Variants in EME1 observed in about 807,000 individuals in gnomAD.
EME1 encodes structure-specific endonuclease subunit EME1.
Under a neutral mutation model 59.1 loss-of-function variants are expected in EME1, and 61 were observed. The observed-to-expected ratio is 1.03, with a 90% CI of 0.84 to 1.28. The LOEUF (loss-of-function observed/expected upper bound fraction) is 1.28. Ranked by LOEUF, EME1 falls within the 50% of genes most tolerant of loss-of-function variation. The probability of loss-of-function intolerance (pLI) is 0.00; values close to 1 mark genes in which losing one functional copy is unlikely to be tolerated. For missense variants in EME1, 635 were observed against 682.6 expected (o/e 0.93, Z 0.78); for synonymous variants, 230 against 254.2 (o/e 0.90, Z 0.90).
At chr17:50,379,947 A>G in intron 7 of EME1, 1 of 299,856 alleles carries the variant, frequency 3.3e-6, no homozygotes, top group Non-Finnish European at 6.3e-6. Context: ...AAATGACCTC[A>G]GAGACAATCC....
At position 50,380,832 on chromosome 17, in the gene EME1, G is replaced by T. The variant is rs371711162; in HGVS notation, c.1606G>T (p.Glu536Ter). 1 of 1,614,100 alleles carries T rather than the reference G, an allele frequency of 6.2e-7. No homozygotes were observed. The highest frequency in any genetic ancestry group is 8.5e-7 in the Non-Finnish European group (1 of 1,180,060). ...CGCAGACATACAGGTGCGCCGTGGG[G>T]AAGGTGTGACATCCACTTCTCGCCG... ...LLADIQVRRG[E>*]GVTSTSRRIG... The change falls in exon 9 of 9, where the codon GAA becomes TAA. Residue 536 changes from glutamate to a stop codon, truncating the protein, a stop_gained. Coordinates refer to ENST00000338165, the MANE Select transcript of EME1 (RefSeq NM_152463.4). LOFTEE classifies it high-confidence loss of function.
Position 50,381,116 on chromosome 17 carries a change from C to A in EME1, c.*177C>A. The A allele has an allele frequency of 1.5e-6, 1 of 680,560 alleles. No individual in the cohort carries two copies. The highest frequency in any genetic ancestry group is 2.4e-6 in the Non-Finnish European group (1 of 415,600). The allele number at this position is 680,560 out of a possible 1,614,324, so 42.2% of individuals were successfully genotyped here. ...CTCTGCCTGTCGGCTGGGGCAGAGA[C>A]TGAAATACTGCCACCTACCTTTGGC... is the stretch of plus-strand genomic sequence containing the variant. On this transcript the variant is annotated 3_prime_UTR_variant, in exon 9 of 9. Transcript: ENST00000338165.
intron 4 of EME1, 42 bp from the exon 5 acceptor site, chr17:50,378,732 C>A: frequency 6.2e-7 from 1 of 1,614,164 alleles, no homozygotes; most frequent in Non-Finnish European, 8.5e-7. Context: ...CTGACTCTTA[C>A]TAGGAAGCAA....
Position 50,381,242 on chromosome 17 carries a change from C to T in EME1, c.*303C>T, listed in dbSNP as rs568114581. On this transcript the variant is annotated 3_prime_UTR_variant, in exon 9 of 9. Coordinates refer to ENST00000338165, the MANE Select transcript of EME1 (RefSeq NM_152463.4). ...AACACAAAGGAACAAAGACAGTCCACTCAGACACTTATTTAATAACTGTAG... is the reference window on the plus strand; with the variant it reads ...AACACAAAGGAACAAAGACAGTCCATTCAGACACTTATTTAATAACTGTAG... 1.1e-3 allele frequency: 376 copies of T among 329,640 alleles called. No homozygotes were observed. The highest frequency in any genetic ancestry group is 1.8e-3 in the Non-Finnish European group (326 of 177,990). 20.4% of individuals were successfully genotyped at this position (329,640 alleles called of 1,614,324 possible). A position where few individuals can be genotyped will look rare whatever the true frequency, so the allele number is the denominator to read the frequency against.
In EME1 at chr17:50,378,755, T is replaced by C. The variant is rs1336688583; in HGVS notation, c.991-19T>C. The C allele has an allele frequency of 6.2e-7, 1 of 1,614,208 alleles. No individual in the cohort carries two copies. Among genetic ancestry groups the C allele is most frequent in the Non-Finnish European group, 8.5e-7 (1 of 1,180,040 alleles). ...TACTAGGAAGCAAGTATTAATGCAG[T>C]TTCTGCCCCTTCATGCAGGGAAGCC... On this transcript the variant is annotated intron_variant, in intron 4 of 8. Transcript: ENST00000338165.
In EME1 at chr17:50,379,680, T is replaced by G. The variant is rs1210197553; in HGVS notation, c.1346+113T>G. The G allele has an allele frequency of 9.7e-6, 9 of 926,614 alleles. No homozygotes were observed. In the Admixed American group the frequency reaches 2.1e-4, roughly 22 times the overall value. 57.4% of individuals were successfully genotyped at this position (926,614 alleles called of 1,614,324 possible). A position where few individuals can be genotyped will look rare whatever the true frequency, so the allele number is the denominator to read the frequency against. On this transcript the variant is annotated intron_variant, in intron 7 of 8. Coordinates refer to ENST00000338165, the MANE Select transcript of EME1 (RefSeq NM_152463.4). ...ATCTCTGCAGTCAGCCCATTGTCTC[T>G]CAAGCTTGAGGCAGAAGGAGCTGAC...
At position 50,380,944 on chromosome 17, in the gene EME1, A is replaced by T. The variant is rs780799911; in HGVS notation, c.*5A>T. 6.2e-7 allele frequency: 1 copy of T among 1,613,828 alleles called. No individual in the cohort carries two copies. The highest frequency in any genetic ancestry group is 1.7e-5 in the Admixed American group (1 of 60,016). ...TCTTTAGATAGTGCTGACTGATTCT[A>T]GCCCTCAGGGATGAGGATGAAAAGC... On this transcript the variant is annotated 3_prime_UTR_variant, in exon 9 of 9. Transcript: ENST00000338165.
chr17:50,376,027 T>A (rs775763790), intron 2 of EME1, 39 bp from the exon 3 acceptor site: 1 of 1,608,228 alleles, frequency 6.2e-7, no homozygotes, highest in Non-Finnish European at 8.5e-7. Flanking sequence ...ATCTGCGTTC[T>A]GGACCCCCCA....
chr17:50,376,531 T>TCTA (rs1913480043), intron 3 of EME1, among the ~76,000 whole-genome samples: 1 of 152,184 alleles, frequency 6.6e-6, no homozygotes, highest in Non-Finnish European at 1.5e-5. Flanking sequence ...CTGGCCACTA[T>TCTA]CTACTAATGT....
chr17:50,376,616 G>A (rs1341063640), intron 3 of EME1, among the ~76,000 whole-genome samples: 1 of 152,136 alleles, frequency 6.6e-6, no homozygotes, highest in Non-Finnish European at 1.5e-5. Flanking sequence ...AATCACCCCC[G>A]GTTGAGAACC....
At chr17:50,379,303 C>T in intron 6 of EME1, 79 bp downstream of exon 6, 3 of 1,599,832 alleles carry the variant, frequency 1.9e-6, no homozygotes, top group Non-Finnish European at 2.6e-6. Context: ...GAATAAAATG[C>T]CTGCTGCGTA....
chr17:50,378,528 C>T lies in EME1; in HGVS notation c.904-67C>T, dbSNP rs1177541370. On this transcript the variant is annotated intron_variant, in intron 3 of 8. Transcript: ENST00000338165. ...AGTTCATTCACCCAGAAGACCTGGG[C>T]CACTCTCACAGGTGCTCAATACCTG... 6.7e-6 allele frequency: 10 copies of T among 1,495,772 alleles called. No homozygotes were observed. The East Asian group carries it at 2.0e-4, about 30-fold the overall frequency. 92.7% of individuals were successfully genotyped at this position (1,495,772 alleles called of 1,614,324 possible).
At position 50,375,842 on chromosome 17, in the gene EME1, G is replaced by A. The variant is rs146272309; in HGVS notation, c.634G>A (p.Gly212Arg). ...SQKVQGRGSHGCRQQRQARQK... is the reference protein window; with the variant it reads ...SQKVQGRGSHRCRQQRQARQK... Reference sequence around the variant, plus strand: ...GAAGGTCCAGGGAAGAGGCTCACACGGATGCCGGCAGCAGAGACAAGCAAG... The same window carrying A: ...GAAGGTCCAGGGAAGAGGCTCACACAGATGCCGGCAGCAGAGACAAGCAAG... Residue 212 changes from glycine to arginine, a missense_variant, in exon 2 of 9, where the codon GGA (glycine) becomes AGA (arginine). Gly to Arg is a moderately radical substitution (Grantham distance 125). Transcript: ENST00000338165. The A allele has an allele frequency of 3.6e-5, 58 of 1,614,022 alleles. No homozygotes were observed. In the Middle Eastern group the frequency reaches 8.2e-4, roughly 23 times the overall value.
At chr17:50,374,850 A>C (rs1020870249) in intron 1 of EME1, among the ~76,000 whole-genome samples, 5 of 152,150 alleles carry the variant, frequency 3.3e-5, no homozygotes, top group Non-Finnish European at 7.4e-5. Flanking sequence ...TCTCAAAAAA[A>C]AAAAAGAAGA....
intron 3 of EME1, among the ~76,000 whole-genome samples, chr17:50,377,969 G>A (rs1300386273): frequency 6.6e-6 from 1 of 151,852 alleles, no homozygotes; most frequent in Non-Finnish European, 1.5e-5. Context: ...TGTTGGCCAG[G>A]CTGGTCTCGA....
rs780621573 is a variant in EME1 at position 50,375,451 on chromosome 17, G to T, written c.243G>T (p.Arg81Ser). 1.2e-6 allele frequency: 2 copies of T among 1,614,150 alleles called. No homozygotes were observed. The highest frequency in any genetic ancestry group is 1.7e-6 in the Non-Finnish European group (2 of 1,180,042). ...CTGTCACACAAACACAGCCAGTCAGGTTGCTAAGCAGTGAAAGTGAAGATG... is the reference window on the plus strand; with the variant it reads ...CTGTCACACAAACACAGCCAGTCAGTTTGCTAAGCAGTGAAAGTGAAGATG... ...AETVTQTQPVRLLSSESEDEE... is the reference protein window; with the variant it reads ...AETVTQTQPVSLLSSESEDEE... Residue 81 changes from arginine to serine, a missense_variant, in exon 2 of 9, where the codon AGG becomes AGT. Physicochemically the swap from Arg to Ser is moderately radical, Grantham distance 110. Coordinates refer to ENST00000338165, the MANE Select transcript of EME1 (RefSeq NM_152463.4).
Position 50,381,327 on chromosome 17 carries a change from A to G in EME1, c.*388A>G, listed in dbSNP as rs1913830194. 2 of 215,526 alleles carry G rather than the reference A, an allele frequency of 9.3e-6. No individual in the cohort carries two copies. The highest frequency in any genetic ancestry group is 1.9e-5 in the Non-Finnish European group (2 of 105,860). 13.4% of individuals were successfully genotyped at this position (215,526 alleles called of 1,614,324 possible). On this transcript the variant is annotated 3_prime_UTR_variant, in exon 9 of 9. Transcript: ENST00000338165. ...GTGAGTGAAGCTGCGGGTTGGCTTG[A>G]CTGGGCTCAGCCACTGAGCTGCCTC...
At chr17:50,379,886 T>G in intron 7 of EME1, 1 of 339,630 alleles carries the variant, frequency 2.9e-6, no homozygotes, top group Non-Finnish European at 5.5e-6. Flanking sequence ...GAAAGCAAAT[T>G]TTTGGCCTAC....
intron 6 of EME1, 60 bp downstream of exon 6, chr17:50,379,284 A>G (rs1384911018): frequency 1.2e-6 from 2 of 1,607,552 alleles, no homozygotes; most frequent in Non-Finnish European, 1.7e-6. Flanking sequence ...GAGACTTGCT[A>G]TTGATAGAGA....
Sources: gnomAD v4.1 joint callset for allele counts (sites outside exome capture counted in the v4.1 genomes callset) on GRCh38, gnomAD v4.1.1 for gene constraint, MANE v1.5 for transcripts, NCBI Gene and HGNC (gene_info 2026-07-23, HGNC 2026-07-21) for gene names.